Variants in KLHL32 observed in about 807,000 individuals in gnomAD.
The protein encoded by KLHL32 is kelch like family member 32.
In KLHL32, 35 loss-of-function variants were observed where a neutral mutation model predicts 64.8. The observed-to-expected ratio is 0.54, with a 90% confidence interval of 0.41 to 0.72. KLHL32 has a LOEUF of 0.72. Among genes scored for constraint, KLHL32 ranks in the 30% least tolerant of loss-of-function variants. KLHL32 has a pLI of 0.00. For synonymous variants in KLHL32, 259 were observed against 281.0 expected (o/e 0.92, Z 0.78); for missense variants, 589 against 768.5 (o/e 0.77, Z 2.76).
intron 10 of KLHL32, among the ~76,000 whole-genome samples, chr6:97,133,592 A>AT (rs763783978): frequency 2.7e-4 from 41 of 152,322 alleles, no homozygotes; most frequent in Non-Finnish European, 5.7e-4. Context: ...AAGTACATAT[A>AT]TTTTGAAGAA....
chr6:96,949,553 A>G (rs1582444614), intron 1 of KLHL32, among the ~76,000 whole-genome samples: 1 of 152,250 alleles, frequency 6.6e-6, no homozygotes, highest in East Asian at 1.9e-4. Flanking sequence ...TTTTGTAAAA[A>G]TTGTGAATAT....
At chr6:97,021,822 T>C (rs1480392705) in intron 3 of KLHL32, among the ~76,000 whole-genome samples, 1 of 151,040 alleles carries the variant, frequency 6.6e-6, no homozygotes, top group African/African-American at 2.5e-5. Flanking sequence ...TAAATCAAAC[T>C]TCCAGTTTTC....
chr6:96,960,664 C>T (rs2128024832), intron 1 of KLHL32, among the ~76,000 whole-genome samples: 1 of 152,274 alleles, frequency 6.6e-6, no homozygotes. Context: ...GCCCCTGACA[C>T]AGCCCTCAGG....
chr6:96,938,812 T>C (rs1281487554), intron 1 of KLHL32, among the ~76,000 whole-genome samples: 1 of 152,214 alleles, frequency 6.6e-6, no homozygotes, highest in Admixed American at 6.5e-5. Context: ...TATAATCATG[T>C]GACCCACATG....
chr6:96,999,836 A>G (rs1778820614), intron 3 of KLHL32, among the ~76,000 whole-genome samples: 1 of 152,160 alleles, frequency 6.6e-6, no homozygotes, highest in South Asian at 2.1e-4. Context: ...CATTATCTCA[A>G]TTTCATAGAC....
chr6:96,971,662 G>A (rs553848370), intron 2 of KLHL32, among the ~76,000 whole-genome samples: 7 of 152,184 alleles, frequency 4.6e-5, no homozygotes, highest in African/African-American at 1.7e-4. Flanking sequence ...GTGGGGTCCT[G>A]TGAAATACAG....
intron 2 of KLHL32, among the ~76,000 whole-genome samples, chr6:96,969,097 A>G (rs1027145207): frequency 6.6e-6 from 1 of 151,878 alleles, no homozygotes; most frequent in Non-Finnish European, 1.5e-5. Context: ...CCTCATCACA[A>G]ACCCCTTACT....
chr6:97,032,858 T>A (rs1482123240), intron 3 of KLHL32, among the ~76,000 whole-genome samples: 1 of 152,178 alleles, frequency 6.6e-6, no homozygotes, highest in South Asian at 2.1e-4. Flanking sequence ...GTTTTTTAAT[T>A]TTGGAATTTC....
intron 1 of KLHL32, among the ~76,000 whole-genome samples, chr6:96,926,301 G>T (rs915709444): frequency 2.0e-5 from 3 of 152,232 alleles, no homozygotes; most frequent in Non-Finnish European, 4.4e-5. Flanking sequence ...GTCATAGAGA[G>T]TGTAATAAAT....
chr6:97,117,736 A>C (rs1797948478), intron 7 of KLHL32, among the ~76,000 whole-genome samples: 1 of 152,220 alleles, frequency 6.6e-6, no homozygotes, highest in Non-Finnish European at 1.5e-5. Flanking sequence ...TGTTTTTAAA[A>C]TATATGCTCT....
Position 97,114,323 on chromosome 6 carries a change from C to G in KLHL32, c.1168C>G (p.His390Asp). 1.9e-6 allele frequency: 3 copies of G among 1,614,152 alleles called. No homozygotes were observed. The highest frequency in any genetic ancestry group is 2.5e-6 in the Non-Finnish European group (3 of 1,180,030). Residue 390 changes from histidine to aspartate, a missense_variant, in exon 7 of 11, where the codon CAT becomes GAT. By Grantham distance (81) the His-to-Asp change is moderately conservative. Transcript: ENST00000369261. ...AGCACCCATGAAAAACTGCCGGGAGCATTTTGTGCTGGGTGCCATGGAGGA... is the reference window on the plus strand; with the variant it reads ...AGCACCCATGAAAAACTGCCGGGAGGATTTTGTGCTGGGTGCCATGGAGGA... ...EIAPMKNCRE[H>D]FVLGAMEEYL... is the part of the protein sequence containing the mutation.
chr6:97,130,710 C>A, intron 8 of KLHL32, 47 bp from the exon 9 acceptor site: 1 of 1,501,198 alleles, frequency 6.7e-7, no homozygotes, highest in Non-Finnish European at 9.0e-7. Context: ...TGTTTTCTGA[C>A]ATGGAGGTCT....
chr6:97,089,592 A>G lies in KLHL32; in HGVS notation c.627+4251A>G, dbSNP rs192289119. Reference sequence around the variant, plus strand: ...TCAGGAATTTGAAACCAGCCTGCCCAACATAGTGAAACCCCATCTCCACTA... The same window carrying G: ...TCAGGAATTTGAAACCAGCCTGCCCGACATAGTGAAACCCCATCTCCACTA... On this transcript the variant is annotated intron_variant, in intron 6 of 10. Transcript: ENST00000369261. Among the ~76,000 whole-genome samples, 84 of 152,294 alleles carry G rather than the reference A, an allele frequency of 5.5e-4. 1 individual carries two copies. The highest frequency in any genetic ancestry group is 3.4e-3 in the Middle Eastern group (1 of 294).
intron 3 of KLHL32, among the ~76,000 whole-genome samples, chr6:97,014,178 C>A (rs907246109): frequency 6.3e-4 from 96 of 151,886 alleles, no homozygotes; most frequent in Non-Finnish European, 1.6e-4. Context: ...CCTGTAGTCG[C>A]AGCTACTCGG....
chr6:97,134,357 C>T (rs1259436807), intron 10 of KLHL32, among the ~76,000 whole-genome samples: 1 of 152,208 alleles, frequency 6.6e-6, no homozygotes, highest in Non-Finnish European at 1.5e-5. Flanking sequence ...TAATGGAAAG[C>T]TGCCTTGGAC....
At chr6:96,958,595 T>G (rs1333971519) in intron 1 of KLHL32, among the ~76,000 whole-genome samples, 1 of 152,204 alleles carries the variant, frequency 6.6e-6, no homozygotes, top group Non-Finnish European at 1.5e-5. Flanking sequence ...AGTTTGACTT[T>G]ATCTCAACAG....
At chr6:97,079,115 C>G (rs556380366) in intron 5 of KLHL32, among the ~76,000 whole-genome samples, 1 of 152,294 alleles carries the variant, frequency 6.6e-6, no homozygotes, top group East Asian at 1.9e-4. Context: ...TAGTAGAATA[C>G]AAGTGAGTCT....
intron 1 of KLHL32, among the ~76,000 whole-genome samples, chr6:96,930,465 T>G (rs1286674731): frequency 6.6e-6 from 1 of 152,128 alleles, no homozygotes; most frequent in Non-Finnish European, 1.5e-5. Flanking sequence ...GATTATGGAG[T>G]TGTTTTAAGA....
At chr6:97,006,789 T>G (rs1311426315) in intron 3 of KLHL32, among the ~76,000 whole-genome samples, 2 of 152,360 alleles carry the variant, frequency 1.3e-5, no homozygotes, top group East Asian at 3.9e-4. Flanking sequence ...TGTTGGATTT[T>G]TTTTCTTTAA....
Sources: gnomAD v4.1 joint callset for allele counts (sites outside exome capture counted in the v4.1 genomes callset) on GRCh38, gnomAD v4.1.1 for gene constraint, MANE v1.5 for transcripts, NCBI Gene and HGNC (gene_info 2026-07-23, HGNC 2026-07-21) for gene names.